Variants in RYR3 observed in about 807,000 individuals in gnomAD.
RYR3 encodes brain ryanodine receptor-calcium release channel.
In RYR3, 207 loss-of-function variants were observed where a neutral mutation model predicts 584.3. That is an observed-to-expected ratio of 0.35 (90% CI 0.32 to 0.40). The LOEUF (loss-of-function observed/expected upper bound fraction) is 0.40. RYR3 is among the 10% of genes least tolerant of loss of function. The pLI, the probability that RYR3 is intolerant of heterozygous loss-of-function variation, is 1.00. For synonymous variants in RYR3, 2,416 were observed against 2,248.5 expected, an observed-to-expected ratio of 1.07 and a Z score of -2.11; for missense variants, 5,616 against 6,089.2, an observed-to-expected ratio of 0.92 and a Z score of 2.59.
At chr15:33,793,995 C>T (rs12908429) in intron 67 of RYR3, among the ~76,000 whole-genome samples, 1 of 77,604 alleles carries the variant, frequency 1.3e-5, no homozygotes, top group Non-Finnish European at 3.0e-5. Context: ...TATATAAATA[C>T]ATATAATACA....
chr15:33,652,887 A>G lies in RYR3; in HGVS notation c.4308+4A>G. The G allele has an allele frequency of 6.2e-7, 1 of 1,604,142 alleles. No individual in the cohort carries two copies. Among genetic ancestry groups the G allele is most frequent in the Non-Finnish European group, 8.5e-7 (1 of 1,174,904 alleles). On this transcript the variant is annotated splice_donor_region_variant and intron_variant, in intron 32 of 103. Transcript: ENST00000634891. ...GGAACTGGGCACCTGCTACCAGGTA[A>G]GGGCGGCTTCTGGGGCCGAAACAGG...
At chr15:33,522,438 T>G (rs1802937184) in intron 3 of RYR3, among the ~76,000 whole-genome samples, 1 of 152,136 alleles carries the variant, frequency 6.6e-6, no homozygotes, top group Non-Finnish European at 1.5e-5. Context: ...AAAAACCTCT[T>G]CACAAAGTTC....
At chr15:33,477,259 C>A (rs564093495) in intron 2 of RYR3, among the ~76,000 whole-genome samples, 7 of 151,728 alleles carry the variant, frequency 4.6e-5, no homozygotes, top group Non-Finnish European at 8.8e-5. Flanking sequence ...AGAAGAAAGA[C>A]CTCAGAGAAA....
intron 1 of RYR3, among the ~76,000 whole-genome samples, chr15:33,317,200 G>A (rs1399211871): frequency 2.6e-5 from 4 of 152,006 alleles, no homozygotes; most frequent in Non-Finnish European, 1.5e-5. Flanking sequence ...TCTTTTATGA[G>A]CCCATTTTTT....
At chr15:33,630,605 C>T (rs2061216852) in intron 22 of RYR3, among the ~76,000 whole-genome samples, 1 of 152,230 alleles carries the variant, frequency 6.6e-6, no homozygotes, top group South Asian at 2.1e-4. Context: ...CCGTAAGGTC[C>T]CTTGTCCCAC....
At chr15:33,576,290 AC>A (rs1567575388) in intron 12 of RYR3, among the ~76,000 whole-genome samples, 1 of 152,224 alleles carries the variant, frequency 6.6e-6, no homozygotes, top group Non-Finnish European at 1.5e-5. Context: ...TCATCCTGAT[AC>A]CAAAACCTGG....
At chr15:33,406,753 C>T (rs1307953837) in intron 1 of RYR3, among the ~76,000 whole-genome samples, 1 of 152,140 alleles carries the variant, frequency 6.6e-6, no homozygotes, top group Non-Finnish European at 1.5e-5. Flanking sequence ...TATCCCAGGC[C>T]ATTTCATTGT....
rs115119086 is a variant in RYR3, at chr15:33,662,231, G to C, written c.4701G>C (p.Ala1567=). 3 of 1,609,064 alleles carry C rather than the reference G, an allele frequency of 1.9e-6. No individual in the cohort carries two copies. Among genetic ancestry groups the C allele is most frequent in the East Asian group, 4.5e-5 (2 of 44,676 alleles). ...FHYHTLRLYS[A]VCALGNSRVA... ...ACCACACGCTGAGGCTCTACAGCGC[G>C]GTGTGCGCCCTGGGAAACAGCCGCG... Residue 1567 remains alanine (A), a synonymous_variant, in exon 35 of 104, where the codon GCG becomes GCC. Coordinates refer to ENST00000634891, the MANE Select transcript of RYR3 (RefSeq NM_001036.6).
intron 1 of RYR3, among the ~76,000 whole-genome samples, chr15:33,409,200 C>G (rs2043221247): frequency 6.6e-6 from 1 of 152,028 alleles, no homozygotes. Flanking sequence ...AGAAATAGGC[C>G]TTCTTTAAGT....
intron 50 of RYR3, among the ~76,000 whole-genome samples, chr15:33,739,386 AG>A (rs1196764488): frequency 1.3e-5 from 2 of 152,170 alleles, no homozygotes; most frequent in Non-Finnish European, 2.9e-5. Context: ...GATATTGAGC[AG>A]CCTGCTGATG....
At chr15:33,331,969 A>G (rs1370764581) in intron 1 of RYR3, among the ~76,000 whole-genome samples, 2 of 152,066 alleles carry the variant, frequency 1.3e-5, no homozygotes, top group African/African-American at 4.8e-5. Context: ...AAAGACAGTG[A>G]TTTTAGACTT....
chr15:33,572,996 AATAAG>A (rs1337703357), intron 12 of RYR3, among the ~76,000 whole-genome samples: 1 of 152,132 alleles, frequency 6.6e-6, no homozygotes, highest in Non-Finnish European at 1.5e-5. Flanking sequence ...AAAAAATAAA[AATAAG>A]ATAAAATAAA....
At chr15:33,357,863 A>G (rs1974198172) in intron 1 of RYR3, among the ~76,000 whole-genome samples, 1 of 152,144 alleles carries the variant, frequency 6.6e-6, no homozygotes, top group Non-Finnish European at 1.5e-5. Flanking sequence ...GTTCTTTTAC[A>G]CGGAAGTATT....
chr15:33,858,623 T>A (rs2079981793), intron 99 of RYR3: 1 of 43,416 alleles, frequency 2.3e-5, no homozygotes, highest in Non-Finnish European at 1.1e-4. Context: ...AGCACTTGAT[T>A]TATTTCAGCA....
chr15:33,740,078 A>T, intron 51 of RYR3, 83 bp downstream of exon 51: 1 of 1,210,120 alleles, frequency 8.3e-7, no homozygotes, highest in Non-Finnish European at 1.2e-6. Context: ...AAGAAATGTG[A>T]GCTTTACCTC....
intron 27 of RYR3, among the ~76,000 whole-genome samples, chr15:33,641,927 G>A (rs919657154): frequency 1.3e-5 from 2 of 152,162 alleles, no homozygotes; most frequent in African/African-American, 4.8e-5. Context: ...TTCATCCCCT[G>A]AAGACTCACT....
intron 42 of RYR3, among the ~76,000 whole-genome samples, chr15:33,703,487 T>G: frequency 6.6e-6 from 1 of 152,234 alleles, no homozygotes. Context: ...CCTCACGTAG[T>G]CTTTTCTTTG....
chr15:33,569,889 C>G (rs1391903073), intron 12 of RYR3, among the ~76,000 whole-genome samples: 1 of 152,010 alleles, frequency 6.6e-6, no homozygotes, highest in Admixed American at 6.6e-5. Flanking sequence ...ATTCATGTAT[C>G]TTCTTTGGTA....
intron 4 of RYR3, among the ~76,000 whole-genome samples, chr15:33,532,908 G>A (rs575106521): frequency 2.6e-5 from 4 of 152,262 alleles, no homozygotes; most frequent in Non-Finnish European, 4.4e-5. Context: ...CTTGAAGCCA[G>A]GCGTTCAAGA....
Sources: allele counts gnomAD v4.1 joint callset (sites outside exome capture counted in the v4.1 genomes callset), GRCh38; gene constraint gnomAD v4.1.1; transcripts MANE v1.5; gene names NCBI Gene and HGNC (gene_info 2026-07-23, HGNC 2026-07-21).